The following HCN1 variants were observed in gnomAD, a reference collection of about 807,000 sequenced individuals.
HCN1 encodes the protein potassium/sodium hyperpolarization-activated cyclic nucleotide-gated channel 1.
In HCN1, 13 loss-of-function variants were observed where a neutral mutation model predicts 78.9. That is an observed-to-expected ratio of 0.16 (90% CI 0.11 to 0.26). The LOEUF is 0.26. HCN1 is among the 10% of genes least tolerant of loss of function. HCN1 has a pLI of 1.00. For missense variants in HCN1, 810 were observed against 1,154.3 expected (o/e 0.70, Z 4.32); for synonymous variants, 552 against 455.5 (o/e 1.21, Z -2.70).
intron 5 of HCN1, among the ~76,000 whole-genome samples, chr5:45,347,846 C>T (rs1281843741): frequency 1.3e-5 from 2 of 152,090 alleles, no homozygotes; most frequent in Admixed American, 6.5e-5. Context: ...ACAAAGCCTC[C>T]AAGAAATATG....
intron 5 of HCN1, among the ~76,000 whole-genome samples, chr5:45,352,177 C>T (rs1368281783): frequency 6.6e-6 from 1 of 152,134 alleles, no homozygotes; most frequent in African/African-American, 2.4e-5. Flanking sequence ...ACATATACAC[C>T]ATGGAATACT....
At chr5:45,523,488 G>C (rs1270324191) in intron 2 of HCN1, among the ~76,000 whole-genome samples, 1 of 152,096 alleles carries the variant, frequency 6.6e-6, no homozygotes, top group Non-Finnish European at 1.5e-5. Flanking sequence ...GTGTAAAAGT[G>C]TTCCTATTTC....
chr5:45,504,711 C>T (rs1390446018), intron 2 of HCN1, among the ~76,000 whole-genome samples: 1 of 152,178 alleles, frequency 6.6e-6, no homozygotes, highest in Non-Finnish European at 1.5e-5. Flanking sequence ...TTTACAGTCC[C>T]ACCAACAGTG....
At chr5:45,295,750 T>A (rs887288087) in intron 6 of HCN1, among the ~76,000 whole-genome samples, 5 of 152,034 alleles carry the variant, frequency 3.3e-5, no homozygotes, top group Non-Finnish European at 7.4e-5. Context: ...GAAAAGAGCA[T>A]TCCTCAGCTA....
At chr5:45,504,568 A>C (rs1474357432) in intron 2 of HCN1, among the ~76,000 whole-genome samples, 1 of 152,134 alleles carries the variant, frequency 6.6e-6, no homozygotes, top group Non-Finnish European at 1.5e-5. Flanking sequence ...ATACGTGTGC[A>C]TGTGTCTTTA....
intron 1 of HCN1, among the ~76,000 whole-genome samples, chr5:45,650,647 TA>T (rs1745658418): frequency 6.6e-6 from 1 of 152,036 alleles, no homozygotes; most frequent in Admixed American, 6.6e-5. Flanking sequence ...TAACTACTAA[TA>T]AAATAATTTT....
chr5:45,416,725 A>G (rs183470127), intron 3 of HCN1, among the ~76,000 whole-genome samples: 95 of 152,072 alleles, frequency 6.2e-4, no homozygotes, highest in African/African-American at 1.9e-3. Flanking sequence ...TTTCATAAAC[A>G]ATTAATTGGA....
chr5:45,430,830 G>C (rs185713399), intron 3 of HCN1, among the ~76,000 whole-genome samples: 31 of 152,052 alleles, frequency 2.0e-4, no homozygotes, highest in African/African-American at 7.0e-4. Flanking sequence ...TCAAAAAAAA[G>C]AAAAATTACT....
chr5:45,538,949 TG>T (rs1743029347), intron 2 of HCN1, among the ~76,000 whole-genome samples: 1 of 152,206 alleles, frequency 6.6e-6, no homozygotes, highest in African/African-American at 2.4e-5. Context: ...TTTGTACCAG[TG>T]GGCTCTCTTT....
chr5:45,463,379 T>A (rs563410863), intron 2 of HCN1, among the ~76,000 whole-genome samples: 3 of 152,078 alleles, frequency 2.0e-5, no homozygotes, highest in South Asian at 4.1e-4. Flanking sequence ...TTTGACATAG[T>A]AATTATAGTG....
rs574718995 is a variant in HCN1, at chr5:45,570,214, C to T, written c.849+74971G>A. On this transcript the variant is annotated intron_variant, in intron 2 of 7. Transcript: ENST00000303230. ...TTCTTCTCTTCCTTTGTTCCTCTCT[C>T]GCTTTCTTTTTCTATTTCCCCTACT... Among the ~76,000 whole-genome samples, 23 of 152,056 alleles carry T rather than the reference C, an allele frequency of 1.5e-4. No homozygotes were observed. In the South Asian group the frequency reaches 3.9e-3, roughly 26 times the overall value.
At chr5:45,436,959 G>C (rs114746399) in intron 3 of HCN1, among the ~76,000 whole-genome samples, 2 of 152,140 alleles carry the variant, frequency 1.3e-5, no homozygotes, top group African/African-American at 2.4e-5. Context: ...TTAGAATCTA[G>C]TTTTCCTAAT....
chr5:45,316,793 A>G (rs998981711), intron 5 of HCN1, among the ~76,000 whole-genome samples: 1 of 152,174 alleles, frequency 6.6e-6, no homozygotes, highest in East Asian at 1.9e-4. Context: ...GAGCCAAATC[A>G]TGAGTGAACT....
intron 3 of HCN1, among the ~76,000 whole-genome samples, chr5:45,406,411 A>G (rs1196587137): frequency 6.6e-6 from 1 of 152,172 alleles, no homozygotes; most frequent in Admixed American, 6.6e-5. Context: ...GTACTATTAT[A>G]ACATCATCTC....
chr5:45,405,367 G>T (rs1270648436), intron 3 of HCN1, among the ~76,000 whole-genome samples: 1 of 152,070 alleles, frequency 6.6e-6, no homozygotes, highest in East Asian at 1.9e-4. Context: ...AGGCGTTAAG[G>T]ATGCCAACCC....
rs1743201416 is a variant in HCN1, at chr5:45,545,632, T to A, written c.850-83625A>T. ...CTTGAATTAATTTTTGTGTAAGGTGTAAGGAAGGGATCCAGTTTCAGCTTT... is the reference window on the plus strand; with the variant it reads ...CTTGAATTAATTTTTGTGTAAGGTGAAAGGAAGGGATCCAGTTTCAGCTTT... On this transcript the variant is annotated intron_variant, in intron 2 of 7. Coordinates refer to ENST00000303230, the MANE Select transcript of HCN1 (RefSeq NM_021072.4). 2.0e-5 allele frequency among the ~76,000 whole-genome samples: 3 copies of A among 152,176 alleles called. No individual in the cohort carries two copies. In the South Asian group the frequency reaches 6.2e-4, roughly 31 times the overall value.
chr5:45,477,324 A>T (rs1741541777), intron 2 of HCN1, among the ~76,000 whole-genome samples: 1 of 152,196 alleles, frequency 6.6e-6, no homozygotes, highest in Non-Finnish European at 1.5e-5. Flanking sequence ...GGAAGACAAT[A>T]TAATCATTCA....
At chr5:45,266,888 T>A (rs1347377143) in intron 7 of HCN1, among the ~76,000 whole-genome samples, 1 of 152,044 alleles carries the variant, frequency 6.6e-6, no homozygotes, top group Non-Finnish European at 1.5e-5. Context: ...TTTGTATTTT[T>A]AGTAGAGACA....
At chr5:45,319,708 G>C (rs755667944) in intron 5 of HCN1, among the ~76,000 whole-genome samples, 64 of 149,294 alleles carry the variant, frequency 4.3e-4, no homozygotes, top group Non-Finnish European at 6.8e-4. Flanking sequence ...TTTTTTTTTA[G>C]CTTTAGAACT....
Sources: allele counts gnomAD v4.1 joint callset (sites outside exome capture counted in the v4.1 genomes callset), GRCh38; gene constraint gnomAD v4.1.1; transcripts MANE v1.5; gene names NCBI Gene and HGNC (gene_info 2026-07-23, HGNC 2026-07-21).